Variants in BBS1 observed in about 807,000 individuals in gnomAD.
BBS1 encodes Bardet-Biedl syndrome 1, also known as BBSome complex member BBS1.
Under a neutral mutation model 73.9 loss-of-function variants are expected in BBS1, and 60 were observed. The ratio of observed to expected loss-of-function variants is 0.81; its 90% CI spans 0.66 to 1.01. BBS1 has a LOEUF of 1.01. Ranked by LOEUF, BBS1 falls within the 50% of genes least tolerant of loss-of-function variation. BBS1 has a pLI of 0.00. For missense variants in BBS1, 718 were observed against 770.3 expected, an observed-to-expected ratio of 0.93 and a Z score of 0.80; for synonymous variants, 283 against 317.4, an observed-to-expected ratio of 0.89 and a Z score of 1.15.
Position 66,523,878 on chromosome 11 carries a change from C to T in BBS1, c.1106C>T (p.Thr369Ile). 6.2e-7 allele frequency: 1 copy of T among 1,613,046 alleles called. No homozygotes were observed. Among genetic ancestry groups the T allele is most frequent in the Non-Finnish European group, 8.5e-7 (1 of 1,180,032 alleles). Reference sequence around the variant, plus strand: ...AAGGCCCTGCTCAATGTCATCCACACCCCGGTGAGCCCCATCTCCGGCATC... The same window carrying T: ...AAGGCCCTGCTCAATGTCATCCACATCCCGGTGAGCCCCATCTCCGGCATC... Reference protein sequence around the residue: ...RDKALLNVIHTPDAVTSLCFG... With the variant: ...RDKALLNVIHIPDAVTSLCFG... Residue 369 changes from threonine (T) to isoleucine (I), a missense_variant, in exon 11 of 17, where the codon ACC becomes ATC. By Grantham distance (89) the Thr-to-Ile change is moderately conservative. Transcript: ENST00000318312.
At chr11:66,529,014 A>G (rs1590777303) in intron 13 of BBS1, 1 of 882,836 alleles carries the variant, frequency 1.1e-6, no homozygotes, top group Non-Finnish European at 1.4e-6. Flanking sequence ...CCTTTTCTTC[A>G]TACCAGCCAC....
chr11:66,524,338 TG>T (rs1460583430), intron 11 of BBS1: 2 of 272,136 alleles, frequency 7.3e-6, no homozygotes, highest in African/African-American at 2.3e-5. Context: ...TTGGTAGGGG[TG>T]GGGGGTAAAA....
At chr11:66,518,467 T>C (rs1856103817) in intron 7 of BBS1, among the ~76,000 whole-genome samples, 1 of 150,606 alleles carries the variant, frequency 6.6e-6, no homozygotes, top group African/African-American at 2.4e-5. Flanking sequence ...TTTTTTTTTT[T>C]TTTCTTTTCT....
chr11:66,510,743 C>T, intron 1 of BBS1, 37 bp downstream of exon 1: 1 of 1,612,730 alleles, frequency 6.2e-7, no homozygotes, highest in Non-Finnish European at 8.5e-7. Context: ...TTTTCCCACC[C>T]GTGTAAAGAG....
chr11:66,519,153 G>A (rs1032709772), intron 7 of BBS1, among the ~76,000 whole-genome samples: 24 of 152,180 alleles, frequency 1.6e-4, no homozygotes, highest in African/African-American at 5.8e-4. Context: ...AGGGGGCTGA[G>A]GCGGGTGGAT....
rs367706684 is a variant in BBS1 at position 66,515,689 on chromosome 11, G to T, written c.480-4G>T. 2.5e-6 allele frequency: 4 copies of T among 1,614,068 alleles called. No individual in the cohort carries two copies. In the African/African-American group the frequency reaches 4.0e-5, roughly 16 times the overall value. On this transcript the variant is annotated splice_polypyrimidine_tract_variant and splice_region_variant and intron_variant, in intron 5 of 16. Coordinates refer to ENST00000318312, the MANE Select transcript of BBS1 (RefSeq NM_024649.5). ...GGCTGCCATGCTGGCCCCTTTCCTT[G>T]CAGGGAGACGGCAGAGGAGCCTTTG...
chr11:66,514,813 A>G (rs2134771855), intron 4 of BBS1, 135 bp downstream of exon 4: 2 of 960,404 alleles, frequency 2.1e-6, no homozygotes, highest in East Asian at 2.6e-5. Context: ...AGCAGCAGTG[A>G]TGGCACTTTT....
At chr11:66,518,120 G>C (rs961822461) in intron 7 of BBS1, among the ~76,000 whole-genome samples, 1 of 151,390 alleles carries the variant, frequency 6.6e-6, no homozygotes, top group Admixed American at 6.6e-5. Flanking sequence ...ACCACGCCCG[G>C]CTAATTTTGT....
intron 8 of BBS1, 52 bp downstream of exon 8, chr11:66,519,800 TC>T: frequency 6.2e-7 from 1 of 1,605,302 alleles, no homozygotes. Context: ...CTGCATTCTC[TC>T]CCCATGCTCC....
At chr11:66,525,810 T>G (rs1856464846) in intron 11 of BBS1, among the ~76,000 whole-genome samples, 1 of 152,018 alleles carries the variant, frequency 6.6e-6, no homozygotes, top group Non-Finnish European at 1.5e-5. Context: ...AGACCAGACA[T>G]ATTTGTGTTT....
At chr11:66,526,254 T>C (rs1856485743) in intron 12 of BBS1, 62 bp downstream of exon 12, 6 of 1,511,652 alleles carry the variant, frequency 4.0e-6, no homozygotes, top group Non-Finnish European at 5.5e-6. Flanking sequence ...GGCCTGCTTC[T>C]GGGGAAAGAG....
chr11:66,511,218 AC>A lies in BBS1; in HGVS notation c.139del (p.His47MetfsTer10). 6.2e-7 allele frequency: 1 copy of A among 1,614,100 alleles called. No individual in the cohort carries two copies. Among genetic ancestry groups the A allele is most frequent in the African/African-American group, 1.3e-5 (1 of 75,014 alleles). On this transcript the variant is annotated frameshift_variant, in exon 3 of 17. Coordinates refer to ENST00000318312, the MANE Select transcript of BBS1 (RefSeq NM_024649.5). LOFTEE classifies it high-confidence loss of function. ...FSACLALADL[H>X]GDGEYKLVVG... ...TTTGTTTTCCAGCGCTGGCAGATTT[AC>A]ATGGGGATGGGGAATACAAGGTAAG...
chr11:66,510,988 C>T, intron 1 of BBS1, 25 bp from the exon 2 acceptor site: 1 of 1,613,704 alleles, frequency 6.2e-7, no homozygotes, highest in Non-Finnish European at 8.5e-7. Flanking sequence ...GACTCACTCC[C>T]CAACTGTCTT....
At chr11:66,511,129 T>C in intron 2 of BBS1, 40 bp downstream of exon 2, 15 of 1,613,752 alleles carry the variant, frequency 9.3e-6, no homozygotes, top group Non-Finnish European at 1.3e-5. Context: ...TCTAGTGGGA[T>C]GGGGAGTCAG....
chr11:66,529,288 G>T, intron 13 of BBS1: 3 of 1,535,088 alleles, frequency 2.0e-6, no homozygotes, highest in Non-Finnish European at 2.6e-6. Context: ...TTGATGGACA[G>T]GGAGGCAGTG....
rs550945105 is a variant in BBS1 at position 66,510,765 on chromosome 11, C to T, written c.47+59C>T. 1,681 of 1,606,412 alleles carry T rather than the reference C, an allele frequency of 1.0e-3. 2 individuals carry two copies. Among genetic ancestry groups the T allele is most frequent in the Non-Finnish European group, 1.3e-3 (1,584 of 1,174,646 alleles). ...ACCCGTGTAAAGAGGGTCCCTTGGTCCCCGGGCTCTGGGCTCCTGCTGTTC... is the reference window on the plus strand; with the variant it reads ...ACCCGTGTAAAGAGGGTCCCTTGGTTCCCGGGCTCTGGGCTCCTGCTGTTC... On this transcript the variant is annotated intron_variant, in intron 1 of 16. Transcript: ENST00000318312.
At chr11:66,514,062 CCA>C (rs1856001307) in intron 3 of BBS1, among the ~76,000 whole-genome samples, 1 of 152,188 alleles carries the variant, frequency 6.6e-6, no homozygotes, top group Admixed American at 6.5e-5. Context: ...TACCACTGTC[CCA>C]GTATCTCTCT....
intron 13 of BBS1, 166 bp downstream of exon 13, chr11:66,526,973 G>A (rs1404956352): frequency 6.5e-7 from 1 of 1,549,574 alleles, no homozygotes; most frequent in East Asian, 2.4e-5. Flanking sequence ...GGTACACGTT[G>A]CCTGCAAATC....
Position 66,529,886 on chromosome 11 carries a change from G to GC in BBS1, c.1407_1408insC (p.Ala470ArgfsTer31), listed in dbSNP as rs772635720. ...TACGTGCTGCCCGCGCCTACCTGCA[G>GC]GCCCTCGAGTCCAGCCTGAGCCCCC... On this transcript the variant is annotated frameshift_variant, in exon 14 of 17. Transcript: ENST00000318312. LOFTEE classifies it high-confidence loss of function. 1 of 1,609,532 alleles carries GC rather than the reference G, an allele frequency of 6.2e-7. No individual in the cohort carries two copies. Among genetic ancestry groups the GC allele is most frequent in the Non-Finnish European group, 8.5e-7 (1 of 1,179,956 alleles).
Sources: allele counts gnomAD v4.1 joint callset (sites outside exome capture counted in the v4.1 genomes callset), GRCh38; gene constraint gnomAD v4.1.1; transcripts MANE v1.5; gene names NCBI Gene and HGNC (gene_info 2026-07-23, HGNC 2026-07-21).